The following SMG1 variants were observed in gnomAD, a reference collection of about 807,000 sequenced individuals.
SMG1 encodes SMG1 nonsense mediated mRNA decay associated PI3K related kinase.
Under a neutral mutation model 419.9 loss-of-function variants are expected in SMG1, and 22 were observed. The observed-to-expected ratio is 0.05, with a 90% CI of 0.04 to 0.07. SMG1 has a LOEUF of 0.07. SMG1 is among the 10% of genes least tolerant of loss of function. SMG1 has a pLI of 1.00. For missense variants in SMG1, 3,185 were observed against 4,342.0 expected (o/e 0.73, Z 7.49); for synonymous variants, 1,538 against 1,553.5 (o/e 0.99, Z 0.23).
intron 56 of SMG1, 26 bp from the exon 57 acceptor site, chr16:18,817,496 AGAG>A: frequency 6.5e-7 from 1 of 1,527,318 alleles, no homozygotes; most frequent in Non-Finnish European, 8.8e-7. Context: ...TGGAACCACA[AGAG>A]GAGATGGGAG....
At chr16:18,855,976 T>C (rs2034877666) in intron 29 of SMG1, among the ~76,000 whole-genome samples, 1 of 152,162 alleles carries the variant, frequency 6.6e-6, no homozygotes, top group Non-Finnish European at 1.5e-5. Context: ...GCTCCACCTC[T>C]TCCTACTCTC....
intron 54 of SMG1, among the ~76,000 whole-genome samples, chr16:18,829,074 C>T (rs1340784513): frequency 6.6e-6 from 1 of 151,240 alleles, no homozygotes; most frequent in Non-Finnish European, 1.5e-5. Context: ...TCTAAGGACA[C>T]AAACCATAAA....
At position 18,839,963 on chromosome 16, in the gene SMG1, T is replaced by A. The variant is rs574124017; in HGVS notation, c.6697-17A>T. On this transcript the variant is annotated splice_polypyrimidine_tract_variant and intron_variant, in intron 41 of 62. Coordinates refer to ENST00000446231, the MANE Select transcript of SMG1 (RefSeq NM_015092.5). ...ATCTTGGGCCTTAAGAAAAAACAAT[T>A]TTTTTAAAAAAGAAAAGATCAATTT... The A allele has an allele frequency of 2.8e-4, 417 of 1,514,574 alleles. 1 individual carries two copies. In the Middle Eastern group the frequency reaches 4.7e-3, roughly 17 times the overall value. 93.8% of individuals were successfully genotyped at this position (1,514,574 alleles called of 1,614,324 possible). A position where few individuals can be genotyped will look rare whatever the true frequency, so the allele number is the denominator to read the frequency against.
intron 9 of SMG1, 123 bp downstream of exon 9, chr16:18,883,947 T>C (rs2036513686): frequency 2.3e-6 from 1 of 438,792 alleles, no homozygotes; most frequent in South Asian, 5.3e-5. Context: ...GTTTAAAATA[T>C]TGCAATGGGC....
Position 18,872,196 on chromosome 16 carries a change from T to C in SMG1, c.2171A>G (p.Asn724Ser). 1 of 1,516,132 alleles carries C rather than the reference T, an allele frequency of 6.6e-7. No homozygotes were observed. The highest frequency in any genetic ancestry group is 9.1e-7 in the Non-Finnish European group (1 of 1,101,430). The allele number at this position is 1,516,132 out of a possible 1,614,324, so 93.9% of individuals were successfully genotyped here. ...TAATATCTGTTACCTCGTGTCCTGG[T>C]TAAGGTTATCTTTCTTAAGTAATAT... The part of the protein sequence containing the change: ...LGILLKKDNL[N>S]QDTRKLLMTW... The change falls in exon 15 of 63, where the codon AAC becomes AGC. Residue 724 changes from asparagine to serine, a missense_variant. Physicochemically the swap from Asn to Ser is conservative, Grantham distance 46. Around this residue, in one of 27 missense-constraint regions of SMG1, gnomAD observed 297 missense variants for 491.0 expected, o/e 0.60. Coordinates refer to ENST00000446231, the MANE Select transcript of SMG1 (RefSeq NM_015092.5).
In SMG1 at chr16:18,885,682, T is replaced by A. The variant is rs1180563137; in HGVS notation, c.823-16A>T. On this transcript the variant is annotated splice_polypyrimidine_tract_variant and intron_variant, in intron 6 of 62. Transcript: ENST00000446231. ...TCATTACAAGCTTAAAAATAAAAAGTTACAAACCGTGAACATTCAACAAAA... is the reference window on the plus strand; with the variant it reads ...TCATTACAAGCTTAAAAATAAAAAGATACAAACCGTGAACATTCAACAAAA... The A allele has an allele frequency of 6.3e-7, 1 of 1,595,404 alleles. No individual in the cohort carries two copies. The highest frequency in any genetic ancestry group is 8.5e-7 in the Non-Finnish European group (1 of 1,179,200).
At chr16:18,881,123 A>AC (rs2036375216) in intron 10 of SMG1, among the ~76,000 whole-genome samples, 1 of 151,384 alleles carries the variant, frequency 6.6e-6, no homozygotes, top group Non-Finnish European at 1.5e-5. Context: ...AGCTCCAAAA[A>AC]AAAATTAAAT....
intron 49 of SMG1, 99 bp downstream of exon 49, chr16:18,834,793 G>T: frequency 7.7e-7 from 1 of 1,301,232 alleles, no homozygotes; most frequent in South Asian, 1.4e-5. Context: ...GTAAGCAGCT[G>T]TAACACTTGG....
intron 22 of SMG1, 49 bp downstream of exon 22, chr16:18,868,141 G>C (rs2035622655): frequency 6.7e-7 from 1 of 1,495,206 alleles, no homozygotes. Flanking sequence ...ATTAAACCAT[G>C]CTTTTCTTAT....
At chr16:18,886,720 T>C (rs2036627109) in intron 6 of SMG1, among the ~76,000 whole-genome samples, 1 of 152,134 alleles carries the variant, frequency 6.6e-6, no homozygotes, top group Non-Finnish European at 1.5e-5. Flanking sequence ...GAGAACTGCT[T>C]GAACCTGGGA....
At chr16:18,874,939 G>A (rs2036039069) in intron 13 of SMG1, among the ~76,000 whole-genome samples, 3 of 131,500 alleles carry the variant, frequency 2.3e-5, no homozygotes, top group South Asian at 2.6e-4. Flanking sequence ...GAAGGACTAC[G>A]GGTTGAGTAT....
Position 18,817,327 on chromosome 16 carries a change from T to C in SMG1, c.10038A>G (p.Ser3346=). 1 of 1,612,658 alleles carries C rather than the reference T, an allele frequency of 6.2e-7. No homozygotes were observed. The highest frequency in any genetic ancestry group is 2.2e-5 in the East Asian group (1 of 44,860). Residue 3346 remains serine (S), a synonymous_variant, in exon 57 of 63, where the codon TCA becomes TCG. Coordinates refer to ENST00000446231, the MANE Select transcript of SMG1 (RefSeq NM_015092.5). The stretch of plus-strand genomic sequence containing the variant: ...ATAAACGAAGCTCTAACTCAGACAC[T>C]GAACTGTTAAACTGTGATGCAAACG... The part of the protein sequence containing the change: ...MCSFASQFNS[S]VSELELRLLQ...
At chr16:18,827,146 G>A (rs1416132629) in intron 55 of SMG1, among the ~76,000 whole-genome samples, 1 of 152,090 alleles carries the variant, frequency 6.6e-6, no homozygotes, top group South Asian at 2.1e-4. Context: ...AAAAATATAG[G>A]CCGGGTGCGG....
Position 18,834,400 on chromosome 16 carries a change from C to G in SMG1, c.8369G>C (p.Gly2790Ala). Reference sequence around the variant, plus strand: ...AGAAGTCAGATCAACCAGCTGTTCTCCAGCACTTGACGCTGCACCTTCCAT... The same window carrying G: ...AGAAGTCAGATCAACCAGCTGTTCTGCAGCACTTGACGCTGCACCTTCCAT... ...LMMEGAASSA[G>A]EQLVDLTSRD... The change falls in exon 50 of 63, where the codon GGA becomes GCA. Residue 2790 changes from glycine to alanine, a missense_variant. This residue lies in a region of SMG1 where 412 missense variants were observed against 546.6 expected (regional missense o/e 0.75). Transcript: ENST00000446231. 1 of 1,613,880 alleles carries G rather than the reference C, an allele frequency of 6.2e-7. No individual in the cohort carries two copies. The highest frequency in any genetic ancestry group is 8.5e-7 in the Non-Finnish European group (1 of 1,179,834).
In SMG1 at chr16:18,837,395, A is replaced by G. The variant is rs1301380913; in HGVS notation, c.7462T>C (p.Leu2488=). The G allele has an allele frequency of 1.9e-6, 3 of 1,613,828 alleles. No homozygotes were observed. The African/African-American group carries it at 4.0e-5, about 22-fold the overall frequency. The change falls in exon 46 of 63, where the codon TTG becomes CTG. Residue 2488 remains leucine (L), a synonymous_variant. Coordinates refer to ENST00000446231, the MANE Select transcript of SMG1 (RefSeq NM_015092.5). ...AGGTATTCATCTAAGCTACCGTCCA[A>G]CTTGGGAAGCACAACCAGCATCTCA... ...RDEMLVVLPK[L]DGSLDEYLSL... is the part of the protein sequence containing the mutation.
At chr16:18,862,905 G>C (rs924536861) in intron 25 of SMG1, among the ~76,000 whole-genome samples, 15 of 152,190 alleles carry the variant, frequency 9.9e-5, no homozygotes, top group Admixed American at 9.8e-4. Flanking sequence ...AGGGCATCCT[G>C]ATGGGCATGC....
At chr16:18,905,856 G>C (rs957850529) in intron 1 of SMG1, among the ~76,000 whole-genome samples, 5 of 151,908 alleles carry the variant, frequency 3.3e-5, no homozygotes, top group African/African-American at 1.2e-4. Flanking sequence ...AAGGGATCCA[G>C]CCGCCTCGGC....
chr16:18,869,442 A>C, intron 19 of SMG1, 139 bp from the exon 20 acceptor site: 1 of 700,794 alleles, frequency 1.4e-6, no homozygotes, highest in Non-Finnish European at 2.4e-6. Flanking sequence ...ATTGAGAAGC[A>C]TTGTGTCCCC....
chr16:18,852,370 C>G lies in SMG1; in HGVS notation c.4861G>C (p.Ala1621Pro). 2 of 1,613,878 alleles carry G rather than the reference C, an allele frequency of 1.2e-6. No individual in the cohort carries two copies. Among genetic ancestry groups the G allele is most frequent in the Non-Finnish European group, 1.7e-6 (2 of 1,179,850 alleles). Residue 1621 changes from alanine (A) to proline (P), a missense_variant, in exon 32 of 63, where the codon GCG becomes CCG. Transcript: ENST00000446231. ...CACCTATAAGCCCAGCTGGCCAACG[C>G]TGCCCAAGATTTGGCTACTTCAGGT... ...QAPEVAKSWA[A>P]LASWAYRWGR...
Sources: allele counts gnomAD v4.1 joint callset (sites outside exome capture counted in the v4.1 genomes callset), GRCh38; gene constraint gnomAD v4.1.1; regional missense constraint gnomAD v4.1.1; transcripts MANE v1.5; gene names NCBI Gene and HGNC (gene_info 2026-07-23, HGNC 2026-07-21).